The following MBNL1 variants were observed in gnomAD, a reference collection of about 807,000 sequenced individuals.
MBNL1 encodes muscleblind like splicing regulator 1, also known as muscleblind-like protein 1.
Under a neutral mutation model 42.2 loss-of-function variants are expected in MBNL1, and 8 were observed. The observed-to-expected ratio is 0.19, with a 90% CI of 0.11 to 0.34. The LOEUF (loss-of-function observed/expected upper bound fraction) is 0.34, where lower values mean the gene tolerates loss of function less well. Ranked by LOEUF, MBNL1 falls within the 10% of genes least tolerant of loss-of-function variation. MBNL1 has a pLI of 1.00. For synonymous variants in MBNL1, 169 were observed against 173.9 expected, an observed-to-expected ratio of 0.97 and a Z score of 0.22; for missense variants, 309 against 495.3, an observed-to-expected ratio of 0.62 and a Z score of 3.57.
chr3:152,418,630 A>AAG (rs770781244), intron 3 of MBNL1, among the ~76,000 whole-genome samples: 9,041 of 144,962 alleles, frequency 0.062, 450 homozygotes, highest in Middle Eastern at 0.13. Flanking sequence ...AAAAAAAAAA[A>AAG]AGAGAGAGAG....
intron 2 of MBNL1, among the ~76,000 whole-genome samples, chr3:152,317,812 G>A (rs943459669): frequency 3.9e-5 from 6 of 152,096 alleles, no homozygotes; most frequent in East Asian, 1.9e-4. Flanking sequence ...TCAAAAAGAC[G>A]ATAAAGGATA....
At chr3:152,447,181 G>T (rs536934293) in intron 5 of MBNL1, among the ~76,000 whole-genome samples, 2 of 150,602 alleles carry the variant, frequency 1.3e-5, no homozygotes, top group Non-Finnish European at 3.0e-5. Context: ...AGGTAGATCT[G>T]GGGGGAGGAG....
At chr3:152,366,309 A>C (rs1248923060) in intron 2 of MBNL1, among the ~76,000 whole-genome samples, 1 of 152,188 alleles carries the variant, frequency 6.6e-6, no homozygotes, top group Middle Eastern at 3.4e-3. Flanking sequence ...TTCAGGACAT[A>C]ATTCTTTGAG....
chr3:152,389,180 C>A (rs375850231), intron 2 of MBNL1, among the ~76,000 whole-genome samples: 35 of 152,190 alleles, frequency 2.3e-4, no homozygotes, highest in African/African-American at 7.9e-4. Flanking sequence ...CCTCCGCCTC[C>A]CAGGTTCAAT....
At chr3:152,382,221 C>T (rs2097205418) in intron 2 of MBNL1, among the ~76,000 whole-genome samples, 1 of 152,010 alleles carries the variant, frequency 6.6e-6, no homozygotes. Flanking sequence ...GTTTGTCTTA[C>T]ACAGTAGTTA....
intron 2 of MBNL1, among the ~76,000 whole-genome samples, chr3:152,396,390 G>T (rs2097937513): frequency 2.6e-5 from 4 of 152,080 alleles, no homozygotes; most frequent in Admixed American, 2.6e-4. Flanking sequence ...GTGCCAAAAA[G>T]GTTGGGGACC....
chr3:152,362,650 G>C (rs1319754638), intron 2 of MBNL1, among the ~76,000 whole-genome samples: 1 of 152,078 alleles, frequency 6.6e-6, no homozygotes, highest in Admixed American at 6.6e-5. Context: ...GCCTCCACCT[G>C]CTAGTAACAG....
At chr3:152,302,850 G>T (rs2061299081) in intron 2 of MBNL1, among the ~76,000 whole-genome samples, 1 of 152,012 alleles carries the variant, frequency 6.6e-6, no homozygotes, top group African/African-American at 2.4e-5. Context: ...GATGGAGGTG[G>T]CCTGTGTAAT....
intron 3 of MBNL1, among the ~76,000 whole-genome samples, chr3:152,421,198 G>A (rs2098799121): frequency 6.6e-6 from 1 of 152,188 alleles, no homozygotes. Flanking sequence ...ACACACTTCA[G>A]GATATTAGCC....
At chr3:152,349,939 C>G (rs114742159) in intron 2 of MBNL1, among the ~76,000 whole-genome samples, 2,298 of 152,066 alleles carry the variant, frequency 0.015, 54 homozygotes, top group African/African-American at 0.053. Context: ...TTTTCTCTTT[C>G]TTTTTAGGGA....
At position 152,450,362 on chromosome 3, in the gene MBNL1, C is replaced by T. The variant is rs547752885; in HGVS notation, c.961+2589C>T. 1.4e-4 allele frequency among the ~76,000 whole-genome samples: 22 copies of T among 152,166 alleles called. No individual in the cohort carries two copies. The South Asian group carries it at 1.4e-3, about 10-fold the overall frequency. Reference sequence around the variant, plus strand: ...ATATACCTGCATTCACAAAAATTGACGCTGTGGCATGAAAAGGTTAAAATG... The same window carrying T: ...ATATACCTGCATTCACAAAAATTGATGCTGTGGCATGAAAAGGTTAAAATG... On this transcript the variant is annotated intron_variant, in intron 6 of 9. Transcript: ENST00000324210.
At chr3:152,277,822 C>A (rs1483241605) in intron 1 of MBNL1, among the ~76,000 whole-genome samples, 3 of 151,952 alleles carry the variant, frequency 2.0e-5, no homozygotes, top group Non-Finnish European at 4.4e-5. Context: ...GAAAAATATT[C>A]TATTTATAAA....
At chr3:152,376,455 C>T (rs979941090) in intron 2 of MBNL1, among the ~76,000 whole-genome samples, 4 of 152,076 alleles carry the variant, frequency 2.6e-5, no homozygotes, top group African/African-American at 7.2e-5. Context: ...AAAAGAAGCT[C>T]TTGAGAGTGT....
intron 2 of MBNL1, among the ~76,000 whole-genome samples, chr3:152,337,807 C>G (rs1486974343): frequency 6.6e-6 from 1 of 152,128 alleles, no homozygotes; most frequent in African/African-American, 2.4e-5. Context: ...TCTGCCTCAT[C>G]TGATCATAAC....
At chr3:152,315,597 T>A (rs1381659679) in intron 2 of MBNL1, among the ~76,000 whole-genome samples, 2 of 152,176 alleles carry the variant, frequency 1.3e-5, no homozygotes, top group Non-Finnish European at 2.9e-5. Flanking sequence ...TTTGACATTA[T>A]TTTGCAGTTT....
intron 2 of MBNL1, chr3:152,396,077 T>C (rs1021049443): frequency 4.8e-5 from 10 of 207,802 alleles, no homozygotes; most frequent in Non-Finnish European, 8.6e-5. Context: ...TGAACCCTAT[T>C]GTGAACTGTG....
chr3:152,310,787 G>T (rs2065908846), intron 2 of MBNL1, among the ~76,000 whole-genome samples: 1 of 151,892 alleles, frequency 6.6e-6, no homozygotes, highest in South Asian at 2.1e-4. Flanking sequence ...CAGACAGGAT[G>T]AACAGTATAG....
At chr3:152,292,654 T>G (rs1284175543) in intron 1 of MBNL1, among the ~76,000 whole-genome samples, 1 of 152,238 alleles carries the variant, frequency 6.6e-6, no homozygotes, top group East Asian at 1.9e-4. Context: ...GCAGTATTGT[T>G]AAAACTTAGT....
rs1220582799 is a variant in MBNL1, at chr3:152,299,973, T to G, written c.-221T>G. On this transcript the variant is annotated 5_prime_UTR_variant, in exon 2 of 10. Transcript: ENST00000324210. ...ATTTCTCTAAAAACCAAAACCTCTT[T>G]GAATTAACAGTTTCATGCTGTGAAT... The G allele has an allele frequency of 2.0e-6, 1 of 491,484 alleles. No individual in the cohort carries two copies. Among genetic ancestry groups the G allele is most frequent in the African/African-American group, 2.0e-5 (1 of 50,228 alleles). 30.4% of individuals were successfully genotyped at this position (491,484 alleles called of 1,614,324 possible).
Sources: allele counts gnomAD v4.1 joint callset (sites outside exome capture counted in the v4.1 genomes callset), GRCh38; gene constraint gnomAD v4.1.1; transcripts MANE v1.5; gene names NCBI Gene and HGNC (gene_info 2026-07-23, HGNC 2026-07-21).